NSMCE4A: variants seen among roughly 807,000 people sequenced by gnomAD.
The protein encoded by NSMCE4A is non-structural maintenance of chromosomes element 4 homolog A.
A neutral mutation model predicts 47.9 loss-of-function variants in NSMCE4A; 40 were observed. The observed-to-expected ratio is 0.83, with a 90% CI of 0.65 to 1.09. NSMCE4A has a LOEUF of 1.09. NSMCE4A is among the 50% of genes least tolerant of loss of function. NSMCE4A has a pLI of 0.00. For missense variants in NSMCE4A, 500 were observed against 507.0 expected, an observed-to-expected ratio of 0.99 and a Z score of 0.13; for synonymous variants, 166 against 178.5, an observed-to-expected ratio of 0.93 and a Z score of 0.56.
Position 121,969,743 on chromosome 10 carries a change from TCTCA to T in NSMCE4A, c.501+1192_501+1195del, listed in dbSNP as rs746208531. Among the ~76,000 whole-genome samples the T allele has an allele frequency of 6.6e-5, 10 of 152,298 alleles. No homozygotes were observed. The South Asian group carries it at 8.3e-4, about 13-fold the overall frequency. On this transcript the variant is annotated intron_variant, in intron 3 of 10. Transcript: ENST00000369023. ...TTGATTGATTGATTTTGAGGTGCAG[TCTCA>T]CTCTGTAGCCCAGGCTGGAGTGCAG...
rs539505561 is a variant in NSMCE4A at position 121,965,179 on chromosome 10, G to A, written c.753+107C>T. ...ATGATTATTTAAGTGACAAAACCTG[G>A]CTCCAGACCCGCACACTTAGAAAAA... On this transcript the variant is annotated intron_variant, in intron 5 of 10. Transcript: ENST00000369023. 6.0e-4 allele frequency: 378 copies of A among 633,278 alleles called. No homozygotes were observed. The African/African-American group carries it at 7.0e-3, about 12-fold the overall frequency. 39.2% of individuals were successfully genotyped at this position (633,278 alleles called of 1,614,324 possible).
At chr10:121,970,505 C>T (rs1487279268) in intron 3 of NSMCE4A, among the ~76,000 whole-genome samples, 1 of 143,414 alleles carries the variant, frequency 7.0e-6, no homozygotes, top group Admixed American at 7.0e-5. Flanking sequence ...AAAAGCAAAA[C>T]CCAATCATAT....
intron 1 of NSMCE4A, 22 bp from the exon 2 acceptor site, chr10:121,974,103 T>C (rs1952769574): frequency 6.4e-7 from 1 of 1,569,546 alleles, no homozygotes; most frequent in South Asian, 1.2e-5. Flanking sequence ...AATACAAACT[T>C]TGGGAAATTT....
chr10:121,968,113 C>T lies in NSMCE4A; in HGVS notation c.502-307G>A, dbSNP rs554420977. ...TGCCCACAGGGGTCTTCTGGCAATACCTGGAGACATTTGTGGGTGTCACAA... is the reference window on the plus strand; with the variant it reads ...TGCCCACAGGGGTCTTCTGGCAATATCTGGAGACATTTGTGGGTGTCACAA... On this transcript the variant is annotated intron_variant, in intron 3 of 10. Coordinates refer to ENST00000369023, the MANE Select transcript of NSMCE4A (RefSeq NM_017615.3). 2.0e-5 allele frequency among the ~76,000 whole-genome samples: 3 copies of T among 152,314 alleles called. No individual in the cohort carries two copies. The South Asian group carries it at 6.2e-4, about 32-fold the overall frequency.
intron 3 of NSMCE4A, among the ~76,000 whole-genome samples, chr10:121,970,141 CA>C (rs1394920340): frequency 2.0e-5 from 3 of 151,984 alleles, no homozygotes; most frequent in Non-Finnish European, 4.4e-5. Context: ...TCAAACTTGT[CA>C]AGAGACAAAG....
At chr10:121,962,619 CT>C (rs10656394) in intron 6 of NSMCE4A, among the ~76,000 whole-genome samples, 1 of 148,412 alleles carries the variant, frequency 6.7e-6, no homozygotes, top group African/African-American at 2.5e-5. Flanking sequence ...AAAAAACAAA[CT>C]TTTTTTTTTC....
In NSMCE4A at chr10:121,959,812, A is replaced by G; in HGVS notation, c.989-217T>C. The G allele has an allele frequency of 1.2e-5, 7 of 570,814 alleles. No homozygotes were observed. In the South Asian group the frequency reaches 1.5e-4, roughly 12 times the overall value. The allele number at this position is 570,814 out of a possible 1,614,324, so 35.4% of individuals were successfully genotyped here. A position where few individuals can be genotyped will look rare whatever the true frequency, so the allele number is the denominator to read the frequency against. On this transcript the variant is annotated intron_variant, in intron 8 of 10. Coordinates refer to ENST00000369023, the MANE Select transcript of NSMCE4A (RefSeq NM_017615.3). ...TTCCATTTCAAAAAACATGTAGTAGAGTAACACATTCCAGACATTTGAAAA... is the reference window on the plus strand; with the variant it reads ...TTCCATTTCAAAAAACATGTAGTAGGGTAACACATTCCAGACATTTGAAAA...
chr10:121,965,295 C>A lies in NSMCE4A; in HGVS notation c.744G>T (p.Met248Ile). ...ACATTTTAAAACAAACCTGGGCAGG[C>A]ATTGCCCTCTCCTCTTGTATCACAG... ...KVPVIQEERA[M>I]PAQLRRMEES... The change falls in exon 5 of 11, where the codon ATG (methionine) becomes ATT (isoleucine). Residue 248 changes from methionine (M) to isoleucine (I), a missense_variant. Met to Ile is a conservative substitution (Grantham distance 10). Coordinates refer to ENST00000369023, the MANE Select transcript of NSMCE4A (RefSeq NM_017615.3). 1 of 1,610,060 alleles carries A rather than the reference C, an allele frequency of 6.2e-7. No homozygotes were observed. The highest frequency in any genetic ancestry group is 8.5e-7 in the Non-Finnish European group (1 of 1,177,168).
intron 2 of NSMCE4A, 115 bp from the exon 3 acceptor site, chr10:121,971,184 A>AAATCTCAAT: frequency 1.9e-6 from 2 of 1,037,554 alleles, no homozygotes; most frequent in Non-Finnish European, 2.7e-6. Flanking sequence ...AAAAAAAAAA[A>AAATCTCAAT]ATCTCAATAG....
At chr10:121,959,235 CAAATTTCACT>C (rs981978272) in intron 10 of NSMCE4A, 79 bp downstream of exon 10, 2 of 1,216,772 alleles carry the variant, frequency 1.6e-6, no homozygotes, top group Non-Finnish European at 2.4e-6. Context: ...GGCAAAAATT[CAAATTTCACT>C]GGAATGGGGA....
chr10:121,970,156 G>A (rs1377810795), intron 3 of NSMCE4A, among the ~76,000 whole-genome samples: 1 of 151,988 alleles, frequency 6.6e-6, no homozygotes, highest in African/African-American at 2.4e-5. Flanking sequence ...GACAAAGAAA[G>A]GTGAATAAAA....
Position 121,967,519 on chromosome 10 carries a change from T to A in NSMCE4A, c.653+136A>T, listed in dbSNP as rs1952629060. ...GGCCTAGTGTTTATGAACTTTCATATCAAAGTTTCAAAAGTCTCCAAACAA... is the reference window on the plus strand; with the variant it reads ...GGCCTAGTGTTTATGAACTTTCATAACAAAGTTTCAAAAGTCTCCAAACAA... On this transcript the variant is annotated intron_variant, in intron 4 of 10. Transcript: ENST00000369023. 3 of 949,258 alleles carry A rather than the reference T, an allele frequency of 3.2e-6. No homozygotes were observed. In the East Asian group the frequency reaches 7.7e-5, roughly 24 times the overall value. The allele number at this position is 949,258 out of a possible 1,614,324, so 58.8% of individuals were successfully genotyped here. A position where few individuals can be genotyped will look rare whatever the true frequency, so the allele number is the denominator to read the frequency against.
chr10:121,960,784 A>G lies in NSMCE4A; in HGVS notation c.940-378T>C, dbSNP rs1231349440. Among the ~76,000 whole-genome samples the G allele has an allele frequency of 2.0e-5, 3 of 152,210 alleles. No homozygotes were observed. Among genetic ancestry groups the G allele is most frequent in the Non-Finnish European group, 4.4e-5 (3 of 68,024 alleles). The stretch of plus-strand genomic sequence containing the variant: ...TCTGAGAAAATACGTTGGTAGACAT[A>G]GGTTTTCTCTAAGGTTATAATCAAA... On this transcript the variant is annotated intron_variant, in intron 7 of 10. Coordinates refer to ENST00000369023, the MANE Select transcript of NSMCE4A (RefSeq NM_017615.3). This position sits in a 1 kb window ranked among gnomAD's most constrained non-coding sequence, Gnocchi z 4.2.
chr10:121,971,674 T>G (rs990676317), intron 2 of NSMCE4A, among the ~76,000 whole-genome samples: 6 of 152,200 alleles, frequency 3.9e-5, no homozygotes, highest in Non-Finnish European at 7.3e-5. Context: ...CCGTCATGTC[T>G]AATACTCACT....
At chr10:121,969,490 T>TA (rs930539261) in intron 3 of NSMCE4A, among the ~76,000 whole-genome samples, 10 of 59,464 alleles carry the variant, frequency 1.7e-4, no homozygotes, top group Non-Finnish European at 2.1e-4. Context: ...TGTTTCACAA[T>TA]AAAAAAAAGT....
intron 10 of NSMCE4A, among the ~76,000 whole-genome samples, chr10:121,958,838 C>T (rs1319523506): frequency 6.9e-5 from 8 of 115,466 alleles, no homozygotes; most frequent in Admixed American, 1.8e-4. Context: ...TTTTTTGAGA[C>T]AGAGTCTTGC....
At chr10:121,966,736 C>T (rs1952613902) in intron 4 of NSMCE4A, 1 of 152,170 alleles carries the variant, frequency 6.6e-6, no homozygotes, top group Admixed American at 6.5e-5. Flanking sequence ...CAGATGGCTA[C>T]CCTAAAGTAT....
intron 8 of NSMCE4A, chr10:121,959,874 T>C (rs1296431986): frequency 4.3e-6 from 2 of 466,288 alleles, no homozygotes; most frequent in Non-Finnish European, 7.7e-6. Flanking sequence ...AGCTAAGCCC[T>C]AGTGAGTCCA....
rs1462206779 is a variant in NSMCE4A, at chr10:121,971,061, C to T, written c.379G>A (p.Ala127Thr). The stretch of plus-strand genomic sequence containing the variant: ...TGGGCATCCAGGACTGCTTCTCTTG[C>T]TCGGGACACTATTCAAAAAAGAAAG... ...ANTLFNEVSR[A>T]REAVLDAHFL... Residue 127 changes from alanine to threonine, a missense_variant, in exon 3 of 11, where the codon GCA becomes ACA. Physicochemically the swap from Ala to Thr is moderately conservative, Grantham distance 58. Transcript: ENST00000369023. 2 of 1,610,206 alleles carry T rather than the reference C, an allele frequency of 1.2e-6. No individual in the cohort carries two copies. The highest frequency in any genetic ancestry group is 1.7e-6 in the Non-Finnish European group (2 of 1,178,688).
Sources: allele counts gnomAD v4.1 joint callset (sites outside exome capture counted in the v4.1 genomes callset), GRCh38; gene constraint gnomAD v4.1.1; non-coding constraint Gnocchi (gnomAD v3.1); transcripts MANE v1.5; gene names NCBI Gene and HGNC (gene_info 2026-07-23, HGNC 2026-07-21).